Variants in MARK2 observed in about 807,000 individuals in gnomAD.
MARK2 encodes serine/threonine-protein kinase MARK2.
A neutral mutation model predicts 89.8 loss-of-function variants in MARK2; 16 were observed. The observed-to-expected ratio is 0.18, with a 90% confidence interval of 0.12 to 0.27. The LOEUF is 0.27. Among genes scored for constraint, MARK2 ranks in the 10% least tolerant of loss-of-function variants. The pLI, the probability that MARK2 is intolerant of heterozygous loss-of-function variation, is 1.00. For missense variants in MARK2, 621 were observed against 1,049.9 expected, an observed-to-expected ratio of 0.59 and a Z score of 5.65; for synonymous variants, 382 against 399.5, an observed-to-expected ratio of 0.96 and a Z score of 0.52.
In MARK2 at chr11:63,886,356, G is replaced by A. The variant is rs183727775; in HGVS notation, c.55-8803G>A. On this transcript the variant is annotated intron_variant, in intron 1 of 18. Transcript: ENST00000402010. ...CCAGGCTTGTCTCGAATTCCCAGGC[G>A]CAAGTCGTCTTCCCACCTTGGCCTC... 3.0e-4 allele frequency among the ~76,000 whole-genome samples: 45 copies of A among 152,002 alleles called. 1 individual carries two copies. Among genetic ancestry groups the A allele is most frequent in the Admixed American group, 2.2e-3 (34 of 15,264 alleles).
intron 1 of MARK2, among the ~76,000 whole-genome samples, chr11:63,892,955 C>G (rs1339035221): frequency 7.0e-6 from 1 of 143,108 alleles, no homozygotes; most frequent in Non-Finnish European, 1.5e-5. Flanking sequence ...GTTGCCCAGG[C>G]TGGAGTGCAG....
At chr11:63,855,105 G>C (rs946967861) in intron 1 of MARK2, among the ~76,000 whole-genome samples, 1 of 152,096 alleles carries the variant, frequency 6.6e-6, no homozygotes, top group Non-Finnish European at 1.5e-5. Flanking sequence ...TTCCGAGATT[G>C]GTAGTAAAAT....
At chr11:63,846,729 C>T (rs2016300890) in intron 1 of MARK2, among the ~76,000 whole-genome samples, 1 of 151,196 alleles carries the variant, frequency 6.6e-6, no homozygotes, top group Admixed American at 6.6e-5. Context: ...GATCTCGGCT[C>T]ACTGCAAGGT....
intron 1 of MARK2, among the ~76,000 whole-genome samples, chr11:63,849,147 C>T (rs556661453): frequency 6.6e-6 from 1 of 152,184 alleles, no homozygotes; most frequent in Non-Finnish European, 1.5e-5. Flanking sequence ...ACTGGGACTA[C>T]AGGTCACACC....
chr11:63,905,104 G>A, intron 16 of MARK2, 61 bp downstream of exon 16: 2 of 1,520,446 alleles, frequency 1.3e-6, no homozygotes, highest in Non-Finnish European at 1.8e-6. Flanking sequence ...TTTACTCGGG[G>A]TGGGTTGGGG....
At chr11:63,908,608 A>T (rs1169935806) in intron 18 of MARK2, among the ~76,000 whole-genome samples, 1 of 152,124 alleles carries the variant, frequency 6.6e-6, no homozygotes, top group Admixed American at 6.5e-5. Flanking sequence ...TTCTGGAGAG[A>T]GAGTCTGTGC....
chr11:63,886,078 G>T (rs562913058), intron 1 of MARK2, among the ~76,000 whole-genome samples: 52 of 151,420 alleles, frequency 3.4e-4, no homozygotes, highest in Non-Finnish European at 6.6e-4. Context: ...GCGGTGAGCC[G>T]AGATTGCGCC....
chr11:63,888,436 G>T, intron 1 of MARK2: 3 of 750,854 alleles, frequency 4.0e-6, no homozygotes, highest in Non-Finnish European at 4.9e-6. Flanking sequence ...CCTCTCGCCA[G>T]CTGTTACCCA....
chr11:63,843,139 G>C (rs2016106485), intron 1 of MARK2, among the ~76,000 whole-genome samples: 1 of 152,182 alleles, frequency 6.6e-6, no homozygotes, highest in Non-Finnish European at 1.5e-5. Flanking sequence ...TCGTAGCTTG[G>C]GGGATTCTTA....
intron 16 of MARK2, among the ~76,000 whole-genome samples, chr11:63,905,818 G>A (rs111913828): frequency 2.2e-4 from 33 of 152,272 alleles, no homozygotes; most frequent in Admixed American, 1.2e-3. Context: ...GAACAGGCTC[G>A]CCTGCCCTTC....
intron 3 of MARK2, among the ~76,000 whole-genome samples, chr11:63,897,767 T>C (rs1307825074): frequency 6.6e-6 from 1 of 152,188 alleles, no homozygotes; most frequent in African/African-American, 2.4e-5. Context: ...GCCTATCCCC[T>C]AGAACAGAGC....
At chr11:63,856,768 G>GGTTTTTTTT (rs1565100741) in intron 1 of MARK2, among the ~76,000 whole-genome samples, 15 of 53,808 alleles carry the variant, frequency 2.8e-4, no homozygotes, top group African/African-American at 1.0e-3. Flanking sequence ...AATTTTTCAT[G>GGTTTTTTTT]TTTTTTTTTT....
chr11:63,853,262 G>A (rs1385987588), intron 1 of MARK2, among the ~76,000 whole-genome samples: 1 of 152,200 alleles, frequency 6.6e-6, no homozygotes, highest in Non-Finnish European at 1.5e-5. Flanking sequence ...AGCCAGGCGT[G>A]GTGGCGCATG....
chr11:63,873,709 G>T (rs1229727915), intron 1 of MARK2, among the ~76,000 whole-genome samples: 1 of 152,120 alleles, frequency 6.6e-6, no homozygotes, highest in Non-Finnish European at 1.5e-5. Flanking sequence ...GCAGTGGCGC[G>T]ATCTCGGCTC....
chr11:63,883,253 G>A (rs1054697254), intron 1 of MARK2, among the ~76,000 whole-genome samples: 5 of 152,166 alleles, frequency 3.3e-5, no homozygotes, highest in African/African-American at 1.2e-4. Context: ...CACAGAGGGC[G>A]AAGGCATGGG....
Position 63,903,888 on chromosome 11 carries a change from C to T in MARK2, c.1515-98C>T, listed in dbSNP as rs1366215646. The stretch of plus-strand genomic sequence containing the variant: ...GCCTGACTTCTACCCTGCCAGAGCT[C>T]CCCAGCTCTGGCCCTTCCCCTGCCC... On this transcript the variant is annotated intron_variant, in intron 14 of 18. Transcript: ENST00000402010. The surrounding 1 kb of genome is among the most constrained non-coding windows in gnomAD (Gnocchi z 5.1). 2.2e-5 allele frequency: 22 copies of T among 1,016,422 alleles called. No homozygotes were observed. The highest frequency in any genetic ancestry group is 3.0e-5 in the Non-Finnish European group (21 of 698,472). The allele number at this position is 1,016,422 out of a possible 1,614,324, so 63.0% of individuals were successfully genotyped here.
chr11:63,880,927 G>A (rs999405595), intron 1 of MARK2, among the ~76,000 whole-genome samples: 3 of 152,318 alleles, frequency 2.0e-5, no homozygotes, highest in Admixed American at 6.5e-5. Flanking sequence ...ATCGCAAAAT[G>A]TTTTCTTATG....
Position 63,868,180 on chromosome 11 carries a change from C to A in MARK2, c.55-26979C>A, listed in dbSNP as rs565171212. 2.0e-5 allele frequency among the ~76,000 whole-genome samples: 3 copies of A among 152,126 alleles called. No individual in the cohort carries two copies. The East Asian group carries it at 5.8e-4, about 29-fold the overall frequency. ...GTAGAAGTGGGCAGATTGCTTGAGT[C>A]CAGGAGTTTGAGAACAGCCTGGGCA... On this transcript the variant is annotated intron_variant, in intron 1 of 18. Coordinates refer to ENST00000402010, the MANE Select transcript of MARK2 (RefSeq NM_001039469.3).
intron 1 of MARK2, among the ~76,000 whole-genome samples, chr11:63,854,074 C>T (rs1270901139): frequency 2.0e-5 from 3 of 151,336 alleles, no homozygotes; most frequent in Non-Finnish European, 4.4e-5. Flanking sequence ...GGTTTCGCCA[C>T]GTTGGCCGGG....
Sources: allele counts gnomAD v4.1 joint callset (sites outside exome capture counted in the v4.1 genomes callset), GRCh38; gene constraint gnomAD v4.1.1; non-coding constraint Gnocchi (gnomAD v3.1); transcripts MANE v1.5; gene names NCBI Gene and HGNC (gene_info 2026-07-23, HGNC 2026-07-21).